Variants in COL25A1 observed in about 807,000 individuals in gnomAD.
The protein encoded by COL25A1 is collagen type XXV alpha 1 chain, also known as collagen alpha-1(XXV) chain.
Under a neutral mutation model 128.4 loss-of-function variants are expected in COL25A1, and 103 were observed. That is an observed-to-expected ratio of 0.80 (90% CI 0.68 to 0.94). COL25A1 has a LOEUF of 0.94. Ranked by LOEUF, COL25A1 falls within the 40% of genes least tolerant of loss-of-function variation. The pLI, the probability that COL25A1 is intolerant of heterozygous loss-of-function variation, is 0.00. For missense variants in COL25A1, 745 were observed against 840.0 expected, an observed-to-expected ratio of 0.89 and a Z score of 1.40; for synonymous variants, 279 against 277.2, an observed-to-expected ratio of 1.01 and a Z score of -0.06.
chr4:109,228,620 T>C (rs1052962426), intron 3 of COL25A1, among the ~76,000 whole-genome samples: 2 of 152,204 alleles, frequency 1.3e-5, no homozygotes, highest in African/African-American at 4.8e-5. Flanking sequence ...TTCGGGATTA[T>C]GGTGTTCAGG....
intron 8 of COL25A1, among the ~76,000 whole-genome samples, chr4:108,946,140 C>A (rs1748719037): frequency 6.6e-6 from 1 of 152,166 alleles, no homozygotes; most frequent in African/African-American, 2.4e-5. Flanking sequence ...GCAACCATCT[C>A]ACAATGAATA....
intron 3 of COL25A1, among the ~76,000 whole-genome samples, chr4:109,232,622 T>C (rs1045251571): frequency 1.3e-5 from 2 of 152,190 alleles, no homozygotes; most frequent in South Asian, 2.1e-4. Context: ...ATCCATTCAA[T>C]TGGTCTGCAA....
chr4:108,860,851 G>A, intron 23 of COL25A1, 76 bp downstream of exon 23: 1 of 1,185,364 alleles, frequency 8.4e-7, no homozygotes, highest in Non-Finnish European at 1.3e-6. Context: ...GATGTCATAT[G>A]AATAGCCATG....
intron 6 of COL25A1, among the ~76,000 whole-genome samples, chr4:109,003,599 G>A (rs1393510289): frequency 1.3e-5 from 2 of 152,244 alleles, no homozygotes; most frequent in South Asian, 2.1e-4. Flanking sequence ...TCAGGAGTTC[G>A]AGACCAACCT....
At chr4:109,088,506 C>T (rs1395058439) in intron 3 of COL25A1, among the ~76,000 whole-genome samples, 1 of 152,078 alleles carries the variant, frequency 6.6e-6, no homozygotes, top group Non-Finnish European at 1.5e-5. Context: ...GATGTGTCTG[C>T]CTCCACCATG....
At chr4:108,984,916 A>C (rs1231324319) in intron 6 of COL25A1, among the ~76,000 whole-genome samples, 2 of 152,240 alleles carry the variant, frequency 1.3e-5, no homozygotes, top group East Asian at 1.9e-4. Context: ...GTCACCTCTC[A>C]GTATGTAGAG....
At chr4:109,227,604 G>C (rs1254311715) in intron 3 of COL25A1, among the ~76,000 whole-genome samples, 1 of 152,114 alleles carries the variant, frequency 6.6e-6, no homozygotes, top group Non-Finnish European at 1.5e-5. Flanking sequence ...CAATTAATTA[G>C]CTTTTAAATT....
At chr4:109,192,191 A>T (rs1273901977) in intron 3 of COL25A1, among the ~76,000 whole-genome samples, 1 of 152,196 alleles carries the variant, frequency 6.6e-6, no homozygotes. Flanking sequence ...GGCAGAGGCA[A>T]CCCAGTAATG....
intron 3 of COL25A1, among the ~76,000 whole-genome samples, chr4:109,240,491 T>C (rs1779826002): frequency 6.6e-6 from 1 of 152,076 alleles, no homozygotes; most frequent in Non-Finnish European, 1.5e-5. Flanking sequence ...TTCTCATTAA[T>C]ATATGTCTAA....
intron 3 of COL25A1, among the ~76,000 whole-genome samples, chr4:109,251,152 T>TAC (rs777151420): frequency 2.2e-4 from 33 of 152,196 alleles, no homozygotes; most frequent in Admixed American, 5.2e-4. Context: ...TTAATATATT[T>TAC]ACACACACAC....
intron 3 of COL25A1, among the ~76,000 whole-genome samples, chr4:109,227,959 C>T (rs1042872099): frequency 6.6e-6 from 1 of 152,144 alleles, no homozygotes; most frequent in African/African-American, 2.4e-5. Flanking sequence ...AATGGTGTAA[C>T]TCTCAAGCCA....
intron 3 of COL25A1, among the ~76,000 whole-genome samples, chr4:109,237,196 T>C (rs1779532040): frequency 6.6e-6 from 1 of 152,132 alleles, no homozygotes; most frequent in Non-Finnish European, 1.5e-5. Context: ...TTTTCTATCC[T>C]TCATGGGAAA....
intron 5 of COL25A1, among the ~76,000 whole-genome samples, chr4:109,035,852 T>C (rs1466033713): frequency 3.3e-5 from 5 of 152,088 alleles, no homozygotes; most frequent in Admixed American, 6.5e-5. Flanking sequence ...GTTTATGCTC[T>C]TCAAACTCTC....
chr4:108,962,159 T>C (rs373136361), intron 8 of COL25A1, among the ~76,000 whole-genome samples: 5 of 151,892 alleles, frequency 3.3e-5, no homozygotes, highest in Admixed American at 2.0e-4. Context: ...CTTTTTGTTT[T>C]CCACCACCAT....
At chr4:109,284,365 C>A (rs1723664324) in intron 3 of COL25A1, among the ~76,000 whole-genome samples, 1 of 152,170 alleles carries the variant, frequency 6.6e-6, no homozygotes. Flanking sequence ...GTAGAGGTTG[C>A]AGTGAGCCAA....
At chr4:109,138,499 C>A (rs1770034858) in intron 3 of COL25A1, among the ~76,000 whole-genome samples, 1 of 152,100 alleles carries the variant, frequency 6.6e-6, no homozygotes, top group Non-Finnish European at 1.5e-5. Flanking sequence ...TGGGTATATA[C>A]CCAGTAATGG....
chr4:108,869,808 C>T (rs956022977), intron 19 of COL25A1, among the ~76,000 whole-genome samples: 29 of 152,040 alleles, frequency 1.9e-4, no homozygotes, highest in African/African-American at 6.5e-4. Context: ...GTTCTCAGTT[C>T]CTGTTTTTTC....
intron 3 of COL25A1, among the ~76,000 whole-genome samples, chr4:109,094,015 A>G (rs1335034146): frequency 6.6e-6 from 1 of 152,232 alleles, no homozygotes; most frequent in African/African-American, 2.4e-5. Flanking sequence ...TGACTAGTCA[A>G]ATACAGCACA....
intron 31 of COL25A1, among the ~76,000 whole-genome samples, chr4:108,836,787 C>T (rs7667737): frequency 9.4e-4 from 143 of 152,064 alleles, no homozygotes; most frequent in African/African-American, 3.2e-3. Context: ...TGTGATTAAA[C>T]CTATATTCTA....
Sources: gnomAD v4.1 joint callset for allele counts (sites outside exome capture counted in the v4.1 genomes callset) on GRCh38, gnomAD v4.1.1 for gene constraint, MANE v1.5 for transcripts, NCBI Gene and HGNC (gene_info 2026-07-23, HGNC 2026-07-21) for gene names.